MRC2: variants seen among roughly 807,000 people sequenced by gnomAD.
The protein encoded by MRC2 is C-type mannose receptor 2.
Under a neutral mutation model 206.2 loss-of-function variants are expected in MRC2, and 84 were observed. The ratio of observed to expected loss-of-function variants is 0.41; its 90% CI spans 0.34 to 0.49. The LOEUF is 0.49. MRC2 is among the 20% of genes least tolerant of loss of function. The pLI, the probability that MRC2 is intolerant of heterozygous loss-of-function variation, is 0.31. For missense variants in MRC2, 1,676 were observed against 2,001.5 expected, an observed-to-expected ratio of 0.84 and a Z score of 3.10; for synonymous variants, 798 against 800.0, an observed-to-expected ratio of 1.00 and a Z score of 0.04.
At chr17:62,644,998 C>T (rs2088458084) in intron 1 of MRC2, among the ~76,000 whole-genome samples, 2 of 152,136 alleles carry the variant, frequency 1.3e-5, no homozygotes, top group Admixed American at 1.3e-4. Flanking sequence ...CTGTCATACA[C>T]GTTTGCTTTT....
At position 62,689,896 on chromosome 17, in the gene MRC2, C is replaced by T. The variant is rs773229294; in HGVS notation, c.3576C>T (p.Gly1192=). Residue 1192 remains glycine (G), a splice_region_variant and synonymous_variant, in exon 25 of 30, where the codon GGC becomes GGT. Coordinates refer to ENST00000303375, the MANE Select transcript of MRC2 (RefSeq NM_006039.5). ...PLWIGLAGEE[G]SRRYSWVSEE... ...ACCCCATGGCCCCCCATGCCCAGGG[C>T]TCTCGGCGGTACTCCTGGGTCTCAG... 27 of 1,590,102 alleles carry T rather than the reference C, an allele frequency of 1.7e-5. No individual in the cohort carries two copies. The highest frequency in any genetic ancestry group is 2.7e-5 in the African/African-American group (2 of 74,794).
chr17:62,660,667 G>A (rs2088669236), intron 1 of MRC2, among the ~76,000 whole-genome samples: 1 of 152,124 alleles, frequency 6.6e-6, no homozygotes, highest in South Asian at 2.1e-4. Flanking sequence ...ACAAGAGCAA[G>A]GTAATCCACT....
intron 20 of MRC2, among the ~76,000 whole-genome samples, chr17:62,685,729 A>G (rs2089023670): frequency 6.6e-6 from 1 of 152,124 alleles, no homozygotes; most frequent in Non-Finnish European, 1.5e-5. Context: ...TTTTGTAGAA[A>G]TGGGGTTTTG....
At chr17:62,661,163 A>G (rs967583573) in intron 1 of MRC2, among the ~76,000 whole-genome samples, 3 of 152,214 alleles carry the variant, frequency 2.0e-5, no homozygotes, top group Non-Finnish European at 4.4e-5. Context: ...AGCAAGGTGG[A>G]GTAACAAGAT....
intron 20 of MRC2, among the ~76,000 whole-genome samples, chr17:62,684,289 C>G (rs1009962566): frequency 2.6e-5 from 4 of 152,162 alleles, no homozygotes; most frequent in African/African-American, 9.7e-5. Flanking sequence ...AGTCCTTCTA[C>G]CAATTAAACA....
At chr17:62,651,573 A>G (rs939616896) in intron 1 of MRC2, among the ~76,000 whole-genome samples, 2 of 151,832 alleles carry the variant, frequency 1.3e-5, no homozygotes, top group Non-Finnish European at 2.9e-5. Flanking sequence ...TTGAAAGTTA[A>G]TTTTTTTCTC....
At chr17:62,644,289 G>A (rs1049370116) in intron 1 of MRC2, among the ~76,000 whole-genome samples, 5 of 152,092 alleles carry the variant, frequency 3.3e-5, no homozygotes, top group Non-Finnish European at 7.4e-5. Flanking sequence ...TGTGGTGATG[G>A]GCACCTGTAA....
chr17:62,657,670 T>C (rs1454203535), intron 1 of MRC2, among the ~76,000 whole-genome samples: 2 of 93,974 alleles, frequency 2.1e-5, no homozygotes, highest in African/African-American at 8.2e-5. Flanking sequence ...CCTCTCTGGA[T>C]GGGGGTGGGG....
intron 1 of MRC2, among the ~76,000 whole-genome samples, chr17:62,633,081 A>G (rs956732204): frequency 6.6e-6 from 1 of 152,204 alleles, no homozygotes; most frequent in Non-Finnish European, 1.5e-5. Context: ...GGAAAAATCA[A>G]TACCTCTTGT....
Position 62,627,811 on chromosome 17 carries a change from C to T in MRC2, c.9C>T (p.Pro3=). 2.1e-6 allele frequency: 3 copies of T among 1,440,140 alleles called. No homozygotes were observed. Among genetic ancestry groups the T allele is most frequent in the Non-Finnish European group, 1.8e-6 (2 of 1,104,490 alleles). The allele number at this position is 1,440,140 out of a possible 1,614,324, so 89.2% of individuals were successfully genotyped here. The change falls in exon 1 of 30, where the codon CCC becomes CCT. Residue 3 remains proline, a synonymous_variant. Coordinates refer to ENST00000303375, the MANE Select transcript of MRC2 (RefSeq NM_006039.5). MG[P]GRPAPAPWPR... ...GAGCGCCGCGCTCGGGGATGGGGCC[C>T]GGCCGGCCGGCCCCCGCGCCCTGGC...
chr17:62,672,446 C>T lies in MRC2; in HGVS notation c.1461+294C>T, dbSNP rs907913582. Among the ~76,000 whole-genome samples, 9 of 152,148 alleles carry T rather than the reference C, an allele frequency of 5.9e-5. No homozygotes were observed. The highest frequency in any genetic ancestry group is 1.0e-4 in the Non-Finnish European group (7 of 68,032). Reference sequence around the variant, plus strand: ...GTGAAACCTTAGGCACAGTGCCTGGCGCATTCTTGGTCTCCTCCCAGCTGC... The same window carrying T: ...GTGAAACCTTAGGCACAGTGCCTGGTGCATTCTTGGTCTCCTCCCAGCTGC... On this transcript the variant is annotated intron_variant, in intron 8 of 29. Transcript: ENST00000303375. This position sits in a 1 kb window ranked among gnomAD's most constrained non-coding sequence, Gnocchi z 4.5.
rs150575056 is a variant in MRC2, at chr17:62,646,949, C to T, written c.119-17599C>T. ...TGGGTATGTACAGTTGTTCTGGAAC[C>T]CTGATGTACCCCAGAATTGCTTGGG... On this transcript the variant is annotated intron_variant, in intron 1 of 29. Transcript: ENST00000303375. Among the ~76,000 whole-genome samples, 481 of 152,116 alleles carry T rather than the reference C, an allele frequency of 3.2e-3. 2 individuals carry two copies. Among genetic ancestry groups the T allele is most frequent in the African/African-American group, 0.011 (452 of 41,506 alleles).
At position 62,664,888 on chromosome 17, in the gene MRC2, C is replaced by T; in HGVS notation, c.459C>T (p.Thr153=). 1 of 1,613,506 alleles carries T rather than the reference C, an allele frequency of 6.2e-7. No individual in the cohort carries two copies. Among genetic ancestry groups the T allele is most frequent in the South Asian group, 1.1e-5 (1 of 91,078 alleles). The change falls in exon 2 of 30, where the codon ACC becomes ACT. Residue 153 remains threonine, a synonymous_variant. Coordinates refer to ENST00000303375, the MANE Select transcript of MRC2 (RefSeq NM_006039.5). The surrounding 1 kb of genome is among the most constrained non-coding windows in gnomAD (Gnocchi z 4.7). ...KPGTLERGDQ[T]RSGQWRIYGS... is the part of the protein sequence containing the mutation. ...GCACCCTTGAGCGTGGTGACCAGAC[C>T]CGCAGTGGCCAGTGGCGCATCTACG... is the stretch of plus-strand genomic sequence containing the variant.
At chr17:62,684,810 G>A (rs1008277086) in intron 20 of MRC2, among the ~76,000 whole-genome samples, 8 of 152,220 alleles carry the variant, frequency 5.3e-5, no homozygotes, top group African/African-American at 1.9e-4. Context: ...CAGCCTCTTA[G>A]TGTCATGGAT....
intron 20 of MRC2, among the ~76,000 whole-genome samples, chr17:62,687,158 CCTTT>C (rs1248203543): frequency 6.6e-6 from 1 of 152,042 alleles, no homozygotes; most frequent in Non-Finnish European, 1.5e-5. Context: ...TTCCCTACAC[CCTTT>C]CTTTTTTTTT....
intron 1 of MRC2, among the ~76,000 whole-genome samples, chr17:62,655,753 A>G (rs2088612156): frequency 6.6e-6 from 1 of 151,994 alleles, no homozygotes; most frequent in South Asian, 2.1e-4. Context: ...AAGAAAAGAA[A>G]AAAAGAAAGA....
At chr17:62,651,318 G>A (rs946971717) in intron 1 of MRC2, among the ~76,000 whole-genome samples, 1 of 152,004 alleles carries the variant, frequency 6.6e-6, no homozygotes, top group Non-Finnish European at 1.5e-5. Flanking sequence ...TCTTGACCTC[G>A]TGATCCACCC....
intron 6 of MRC2, among the ~76,000 whole-genome samples, chr17:62,668,356 C>CAAAAAAAAAA (rs10631546): frequency 2.4e-5 from 3 of 122,814 alleles, no homozygotes; most frequent in African/African-American, 9.6e-5. Flanking sequence ...GACCCTGCCT[C>CAAAAAAAAAA]AAAAAATAAA....
At position 62,664,535 on chromosome 17, in the gene MRC2, C is replaced by T. The variant is rs747572641; in HGVS notation, c.119-13C>T. 2 of 1,597,470 alleles carry T rather than the reference C, an allele frequency of 1.3e-6. No individual in the cohort carries two copies. The highest frequency in any genetic ancestry group is 1.7e-6 in the Non-Finnish European group (2 of 1,171,990). ...GCCCCTGTGATGCCTTCGTGTCTTG[C>T]CTTCCCTTCCAGAACCCAACGTCTT... is the stretch of plus-strand genomic sequence containing the variant. On this transcript the variant is annotated splice_polypyrimidine_tract_variant and intron_variant, in intron 1 of 29. Transcript: ENST00000303375. This position sits in a 1 kb window ranked among gnomAD's most constrained non-coding sequence, Gnocchi z 4.7.
Sources: allele counts gnomAD v4.1 joint callset (sites outside exome capture counted in the v4.1 genomes callset), GRCh38; gene constraint gnomAD v4.1.1; non-coding constraint Gnocchi (gnomAD v3.1); transcripts MANE v1.5; gene names NCBI Gene and HGNC (gene_info 2026-07-23, HGNC 2026-07-21).